TAF12: variants seen among roughly 807,000 people sequenced by gnomAD.
The protein encoded by TAF12 is transcription initiation factor TFIID subunit 12.
TAF12 carries 3 observed loss-of-function variants against 20.8 expected under a neutral mutation model. The observed-to-expected ratio is 0.14, with a 90% CI of 0.07 to 0.37. TAF12 has a LOEUF of 0.37. Among genes scored for constraint, TAF12 ranks in the 10% least tolerant of loss-of-function variants. The probability of loss-of-function intolerance (pLI) is 1.00; values close to 1 mark genes in which losing one functional copy is unlikely to be tolerated. For synonymous variants in TAF12, 69 were observed against 70.2 expected, an observed-to-expected ratio of 0.98 and a Z score of 0.09; for missense variants, 131 against 197.9, an observed-to-expected ratio of 0.66 and a Z score of 2.03.
intron 1 of TAF12, among the ~76,000 whole-genome samples, chr1:28,639,914 T>G (rs1667977780): frequency 6.6e-6 from 1 of 151,868 alleles, no homozygotes; most frequent in Non-Finnish European, 1.5e-5. Context: ...CAATCTCGGC[T>G]CATTGAACCT....
At chr1:28,615,355 C>T (rs1442766829) in intron 3 of TAF12, among the ~76,000 whole-genome samples, 1 of 151,872 alleles carries the variant, frequency 6.6e-6, no homozygotes, top group Admixed American at 6.6e-5. Flanking sequence ...AAAATAACCT[C>T]CTGTCCCTCC....
chr1:28,606,497 C>T (rs907369277), intron 4 of TAF12, among the ~76,000 whole-genome samples: 2 of 150,692 alleles, frequency 1.3e-5, no homozygotes, highest in African/African-American at 4.9e-5. Flanking sequence ...TGGGCTCAAG[C>T]ACATCCTCCT....
At chr1:28,636,599 G>A (rs1039314369) in intron 1 of TAF12, among the ~76,000 whole-genome samples, 2 of 151,682 alleles carry the variant, frequency 1.3e-5, no homozygotes, top group African/African-American at 4.8e-5. Context: ...AGACCAGCCT[G>A]GGCAACATAG....
chr1:28,646,994 G>A (rs1172127176), upstream of TAF12, among the ~76,000 whole-genome samples: 6 of 151,952 alleles, frequency 3.9e-5, no homozygotes, highest in East Asian at 1.9e-4. Flanking sequence ...CACCGCACCC[G>A]GCCAATTTTT....
At chr1:28,647,032 C>A (rs1339067791), upstream of TAF12, among the ~76,000 whole-genome samples, 2 of 151,994 alleles carry the variant, frequency 1.3e-5, no homozygotes, top group Non-Finnish European at 2.9e-5. Flanking sequence ...CAGGGTTTCA[C>A]CATGTTGGCC....
In TAF12 at chr1:28,625,134, T is replaced by C. The variant is rs1465023203; in HGVS notation, c.-84-2969A>G. Among the ~76,000 whole-genome samples the C allele has an allele frequency of 2.0e-5, 3 of 152,206 alleles. No homozygotes were observed. In the East Asian group the frequency reaches 5.8e-4, roughly 29 times the overall value. ...CCTCACACTGAACATACTTTATCTC[T>C]CAAAAACATTCCCACAACCTTCAAG... On this transcript the variant is annotated intron_variant, in intron 1 of 5. Coordinates refer to ENST00000373824, the MANE Select transcript of TAF12 (RefSeq NM_005644.4).
At chr1:28,632,611 T>C (rs1269971233) in intron 1 of TAF12, among the ~76,000 whole-genome samples, 2 of 151,992 alleles carry the variant, frequency 1.3e-5, no homozygotes, top group Non-Finnish European at 2.9e-5. Flanking sequence ...AAGGCTCAAA[T>C]GGCTGTATAA....
chr1:28,615,871 T>G (rs914064920), intron 3 of TAF12, among the ~76,000 whole-genome samples: 57 of 152,132 alleles, frequency 3.7e-4, no homozygotes, highest in Non-Finnish European at 3.5e-4. Context: ...TCTTGTGGTC[T>G]GCTAGAGTGA....
chr1:28,647,602 G>A (rs577481249), upstream of TAF12, among the ~76,000 whole-genome samples: 4 of 152,302 alleles, frequency 2.6e-5, no homozygotes, highest in Non-Finnish European at 5.9e-5. Flanking sequence ...GGCCGGGCAC[G>A]GTGGCTCACG....
At chr1:28,646,654 C>CTAGTA (rs1402786538), upstream of TAF12, among the ~76,000 whole-genome samples, 4 of 151,682 alleles carry the variant, frequency 2.6e-5, no homozygotes, top group African/African-American at 9.7e-5. Context: ...CCTCAGCTCC[C>CTAGTA]TAGTAGCTAG....
At chr1:28,637,659 C>T (rs1463959205) in intron 1 of TAF12, among the ~76,000 whole-genome samples, 3 of 151,856 alleles carry the variant, frequency 2.0e-5, no homozygotes, top group African/African-American at 7.3e-5. Flanking sequence ...AGCAAGACTC[C>T]GTCTCCAGAA....
chr1:28,626,026 G>C (rs930591836), intron 1 of TAF12, among the ~76,000 whole-genome samples: 20 of 151,768 alleles, frequency 1.3e-4, no homozygotes, highest in African/African-American at 4.6e-4. Flanking sequence ...TGTCCCCCAG[G>C]CTGGAGTGCA....
intron 1 of TAF12, among the ~76,000 whole-genome samples, chr1:28,622,517 A>G (rs1570315369): frequency 6.6e-6 from 1 of 152,208 alleles, no homozygotes; most frequent in African/African-American, 2.4e-5. Flanking sequence ...AAACCATCTC[A>G]TTTCCAAATA....
rs549438261 is a variant in TAF12 at position 28,640,597 on chromosome 1, T to C, written c.-85+2395A>G. Among the ~76,000 whole-genome samples the C allele has an allele frequency of 2.0e-5, 3 of 152,306 alleles. No individual in the cohort carries two copies. The South Asian group carries it at 6.2e-4, about 32-fold the overall frequency. On this transcript the variant is annotated intron_variant, in intron 1 of 5. Coordinates refer to ENST00000373824, the MANE Select transcript of TAF12 (RefSeq NM_005644.4). ...AGAATACTCGATAGTGCATAAGCTG[T>C]GCCTCGTTAGTCTGAGTAGGTTTCA...
At chr1:28,637,533 C>T (rs560346835) in intron 1 of TAF12, among the ~76,000 whole-genome samples, 14 of 152,036 alleles carry the variant, frequency 9.2e-5, no homozygotes, top group South Asian at 2.1e-4. Flanking sequence ...GGCATTGTGG[C>T]GCGCGCTTAT....
At chr1:28,617,162 T>A (rs2124324891) in intron 3 of TAF12, among the ~76,000 whole-genome samples, 1 of 152,244 alleles carries the variant, frequency 6.6e-6, no homozygotes, top group Admixed American at 6.5e-5. Context: ...TCAAAGAGTA[T>A]CTTTTTAAGT....
At chr1:28,634,784 C>G (rs1487127685) in intron 1 of TAF12, among the ~76,000 whole-genome samples, 1 of 151,890 alleles carries the variant, frequency 6.6e-6, no homozygotes, top group East Asian at 1.9e-4. Flanking sequence ...ACAAAATTAG[C>G]CGGGCATGGT....
intron 1 of TAF12, among the ~76,000 whole-genome samples, chr1:28,631,328 C>A (rs953012105): frequency 6.6e-6 from 1 of 150,464 alleles, no homozygotes; most frequent in Admixed American, 6.6e-5. Flanking sequence ...TTGAGACCAG[C>A]CTGGCCAACA....
Position 28,603,578 on chromosome 1 carries a change from A to T in TAF12, c.451-4T>A. The T allele has an allele frequency of 6.2e-7, 1 of 1,613,690 alleles. No homozygotes were observed. The highest frequency in any genetic ancestry group is 8.5e-7 in the Non-Finnish European group (1 of 1,180,018). Reference sequence around the variant, plus strand: ...TTTTCCGGATCAATGCCATTCTCTGAAAGGAGAGACAAATAAGCAGTTATA... The same window carrying T: ...TTTTCCGGATCAATGCCATTCTCTGTAAGGAGAGACAAATAAGCAGTTATA... On this transcript the variant is annotated splice_polypyrimidine_tract_variant and splice_region_variant and intron_variant, in intron 5 of 5. Coordinates refer to ENST00000373824, the MANE Select transcript of TAF12 (RefSeq NM_005644.4).
Sources: allele counts gnomAD v4.1 joint callset (sites outside exome capture counted in the v4.1 genomes callset), GRCh38; gene constraint gnomAD v4.1.1; transcripts MANE v1.5; gene names NCBI Gene and HGNC (gene_info 2026-07-23, HGNC 2026-07-21).